The following SMAD6 variants were observed in gnomAD, a reference collection of about 807,000 sequenced individuals.
SMAD6 encodes SMAD family member 6.
Under a neutral mutation model 39.4 loss-of-function variants are expected in SMAD6, and 103 were observed. That is an observed-to-expected ratio of 2.62 (90% CI 2.23 to 3.08). SMAD6 has a LOEUF of 3.08. Ranked by LOEUF, SMAD6 falls within the 30% of genes most tolerant of loss-of-function variation. The pLI, the probability that SMAD6 is intolerant of heterozygous loss-of-function variation, is 0.00. For missense variants in SMAD6, 1,104 were observed against 742.9 expected (o/e 1.49, Z -5.65); for synonymous variants, 445 against 353.3 (o/e 1.26, Z -2.91).
rs1175723149 is a variant in SMAD6 at position 66,711,648 on chromosome 15, T to C, written c.818-20T>C. The C allele has an allele frequency of 2.5e-6, 4 of 1,607,954 alleles. No individual in the cohort carries two copies. Among genetic ancestry groups the C allele is most frequent in the Non-Finnish European group, 3.4e-6 (4 of 1,174,558 alleles). On this transcript the variant is annotated intron_variant, in intron 1 of 3. Transcript: ENST00000288840. ...GAGCTCCCCAACCCTGGCAGTGACA[T>C]GCTGTCTCCTGTCTTCCAGAATCTC...
Position 66,781,022 on chromosome 15 carries a change from C to T in SMAD6, c.978C>T (p.Thr326=). Reference sequence around the variant, plus strand: ...ACGCCAGCATGTCTCCGGACGCCACCAAGCCGAGCCACTGGTGCAGCGTGG... The same window carrying T: ...ACGCCAGCATGTCTCCGGACGCCACTAAGCCGAGCCACTGGTGCAGCGTGG... The part of the protein sequence containing the change: ...FSDASMSPDA[T]KPSHWCSVAY... The change falls in exon 4 of 4, where the codon ACC becomes ACT. Residue 326 remains threonine, a synonymous_variant. Transcript: ENST00000288840. The T allele has an allele frequency of 6.3e-7, 1 of 1,586,140 alleles. No individual in the cohort carries two copies. The highest frequency in any genetic ancestry group is 8.5e-7 in the Non-Finnish European group (1 of 1,171,992).
chr15:66,759,573 T>A lies in SMAD6; in HGVS notation c.953-21424T>A, dbSNP rs184719115. Among the ~76,000 whole-genome samples the A allele has an allele frequency of 2.2e-4, 33 of 152,348 alleles. No homozygotes were observed. In the East Asian group the frequency reaches 6.2e-3, roughly 28 times the overall value. On this transcript the variant is annotated intron_variant, in intron 3 of 3. Coordinates refer to ENST00000288840, the MANE Select transcript of SMAD6 (RefSeq NM_005585.5). ...GATTGCAGCACAGTAAACTTGATGA[T>A]CTACATATGTATATCTTTATAGATG...
chr15:66,715,508 GAGA>G (rs1893311188), intron 2 of SMAD6, among the ~76,000 whole-genome samples: 1 of 152,214 alleles, frequency 6.6e-6, no homozygotes, highest in African/African-American at 2.4e-5. Context: ...TGTGCCAGGT[GAGA>G]AGATGTGTGT....
At chr15:66,721,108 G>A (rs1019454088) in intron 3 of SMAD6, among the ~76,000 whole-genome samples, 3 of 152,178 alleles carry the variant, frequency 2.0e-5, no homozygotes, top group African/African-American at 7.2e-5. Context: ...TGTGTAAGTT[G>A]GCAGAGTTTG....
chr15:66,723,308 GC>G (rs1893467109), intron 3 of SMAD6, among the ~76,000 whole-genome samples: 1 of 152,178 alleles, frequency 6.6e-6, no homozygotes, highest in East Asian at 1.9e-4. Flanking sequence ...ACTCCCCATG[GC>G]CTCAGACAAA....
At chr15:66,704,383 A>AGCC in intron 1 of SMAD6, 1 of 273,616 alleles carries the variant, frequency 3.7e-6, no homozygotes. Flanking sequence ...AGGGGAGGGC[A>AGCC]GGCCAAGGAG....
In SMAD6 at chr15:66,741,519, C is replaced by G. The variant is rs1893815288; in HGVS notation, c.952+25021C>G. Among the ~76,000 whole-genome samples, 2 of 152,140 alleles carry G rather than the reference C, an allele frequency of 1.3e-5. 1 individual carries two copies. The highest frequency in any genetic ancestry group is 4.1e-4 in the South Asian group (2 of 4,832). Reference sequence around the variant, plus strand: ...AGGAGGTGGGTGGGAGGACATATAACTTGTAGACCCAATGTTATATGGAAA... The same window carrying G: ...AGGAGGTGGGTGGGAGGACATATAAGTTGTAGACCCAATGTTATATGGAAA... On this transcript the variant is annotated intron_variant, in intron 3 of 3. Transcript: ENST00000288840.
rs759935039 is a variant in SMAD6 at position 66,704,095 on chromosome 15, C to CG, written c.817+27dup. On this transcript the variant is annotated intron_variant, in intron 1 of 3. Transcript: ENST00000288840. ...GGCCCGGTGAGCGCGCTGCGCCGGC[C>CG]GGGGGGGCCCCGGGTCCCCGTCCCC... The CG allele has an allele frequency of 2.5e-5, 36 of 1,428,254 alleles. No homozygotes were observed. Among genetic ancestry groups the CG allele is most frequent in the Admixed American group, 8.8e-5 (3 of 34,198 alleles). 88.5% of individuals were successfully genotyped at this position (1,428,254 alleles called of 1,614,324 possible).
chr15:66,746,396 TC>T (rs1893909244), intron 3 of SMAD6, among the ~76,000 whole-genome samples: 1 of 151,816 alleles, frequency 6.6e-6, no homozygotes, highest in South Asian at 2.1e-4. Context: ...GTTAAAGGTC[TC>T]CCTCCCTGGC....
At chr15:66,771,890 G>A (rs936727892) in intron 3 of SMAD6, among the ~76,000 whole-genome samples, 1 of 152,094 alleles carries the variant, frequency 6.6e-6, no homozygotes, top group Non-Finnish European at 1.5e-5. Flanking sequence ...TTGAGTGTGG[G>A]GGAGAAACTA....
intron 3 of SMAD6, among the ~76,000 whole-genome samples, chr15:66,754,426 A>G (rs765382796): frequency 2.0e-5 from 3 of 152,176 alleles, no homozygotes; most frequent in Non-Finnish European, 4.4e-5. Context: ...GTGGACATAC[A>G]CTGTTCACCC....
At chr15:66,732,804 C>G (rs1893653006) in intron 3 of SMAD6, among the ~76,000 whole-genome samples, 1 of 151,866 alleles carries the variant, frequency 6.6e-6, no homozygotes, top group African/African-American at 2.4e-5. Context: ...TAAATGAAGT[C>G]TTTTGAAGGT....
At chr15:66,711,773 G>GCTGAAGAGGACCCAGT in intron 2 of SMAD6, 49 bp downstream of exon 2, 1 of 1,447,900 alleles carries the variant, frequency 6.9e-7, no homozygotes, top group Non-Finnish European at 9.7e-7. Context: ...CCCGAACTGG[G>GCTGAAGAGGACCCAGT]TCCTCTTCAG....
At chr15:66,717,474 C>G (rs1204513410) in intron 3 of SMAD6, 2 of 452,354 alleles carry the variant, frequency 4.4e-6, no homozygotes, top group Admixed American at 2.4e-5. Context: ...CTCTTCATCA[C>G]TGTTTTGTCC....
At chr15:66,746,678 G>A (rs1317416963) in intron 3 of SMAD6, among the ~76,000 whole-genome samples, 2 of 152,324 alleles carry the variant, frequency 1.3e-5, no homozygotes, top group African/African-American at 2.4e-5. Context: ...TTGTCAAGCT[G>A]AGGCCTGGAC....
chr15:66,743,589 A>G (rs1277775110), intron 3 of SMAD6, among the ~76,000 whole-genome samples: 7 of 151,702 alleles, frequency 4.6e-5, no homozygotes, highest in African/African-American at 1.7e-4. Context: ...TTTTTTTTTA[A>G]AAAGCAGTAC....
At chr15:66,761,861 T>C (rs1041939838) in intron 3 of SMAD6, among the ~76,000 whole-genome samples, 12 of 152,142 alleles carry the variant, frequency 7.9e-5, no homozygotes, top group African/African-American at 2.9e-4. Context: ...TTTCAGAGCT[T>C]TTACCAACCC....
Position 66,702,402 on chromosome 15 carries a change from C to T in SMAD6, c.-857C>T, listed in dbSNP as rs1391819771. ...TGCCTCGCCAGACCTCGCTGGGACCCCGGGGCCACCGGGAGGCACTTTTGT... is the reference window on the plus strand; with the variant it reads ...TGCCTCGCCAGACCTCGCTGGGACCTCGGGGCCACCGGGAGGCACTTTTGT... On this transcript the variant is annotated 5_prime_UTR_variant, in exon 1 of 4. Coordinates refer to ENST00000288840, the MANE Select transcript of SMAD6 (RefSeq NM_005585.5). The T allele has an allele frequency of 6.6e-6, 1 of 151,600 alleles. No homozygotes were observed. The highest frequency in any genetic ancestry group is 1.5e-5 in the Non-Finnish European group (1 of 67,864). 9.4% of individuals were successfully genotyped at this position (151,600 alleles called of 1,614,324 possible). A position where few individuals can be genotyped will look rare whatever the true frequency, so the allele number is the denominator to read the frequency against.
Position 66,731,437 on chromosome 15 carries a change from C to CAAA in SMAD6, c.952+14954_952+14956dup, listed in dbSNP as rs58387784. Among the ~76,000 whole-genome samples the CAAA allele has an allele frequency of 2.2e-3, 273 of 126,774 alleles. 3 individuals are homozygous for CAAA. The highest frequency in any genetic ancestry group is 3.8e-3 in the Non-Finnish European group (232 of 60,356). The allele number at this position is 126,774 out of a possible 152,430, so 83.2% of individuals were successfully genotyped here. Reference sequence around the variant, plus strand: ...TGGGCAACAGAGCGAGACTCCGTCTCAAAAAAAAAAAAAAAAAGTTCCTTG... The same window carrying CAAA: ...TGGGCAACAGAGCGAGACTCCGTCTCAAAAAAAAAAAAAAAAAAAAGTTCCTTG... On this transcript the variant is annotated intron_variant, in intron 3 of 3. Coordinates refer to ENST00000288840, the MANE Select transcript of SMAD6 (RefSeq NM_005585.5).
Sources: gnomAD v4.1 joint callset for allele counts (sites outside exome capture counted in the v4.1 genomes callset) on GRCh38, gnomAD v4.1.1 for gene constraint, MANE v1.5 for transcripts, NCBI Gene and HGNC (gene_info 2026-07-23, HGNC 2026-07-21) for gene names.